Variants in PCDHGA2 observed in about 807,000 individuals in gnomAD.
PCDHGA2 encodes the protein protocadherin gamma subfamily A, 2.
PCDHGA2 carries 40 observed loss-of-function variants against 59.2 expected under a neutral mutation model. The observed-to-expected ratio is 0.68, with a 90% CI of 0.52 to 0.88. The LOEUF (loss-of-function observed/expected upper bound fraction) is 0.88, where lower values mean the gene tolerates loss of function less well. Among genes scored for constraint, PCDHGA2 ranks in the 40% least tolerant of loss-of-function variants. The pLI is 0.00. For missense variants in PCDHGA2, 1,226 were observed against 1,204.0 expected, an observed-to-expected ratio of 1.02 and a Z score of -0.27; for synonymous variants, 560 against 526.0, an observed-to-expected ratio of 1.06 and a Z score of -0.89.
chr5:141,361,611 A>T, intron 1 of PCDHGA2: 2 of 1,613,948 alleles, frequency 1.2e-6, no homozygotes, highest in Non-Finnish European at 1.7e-6. Context: ...ACTCCATCGT[A>T]GCGAGCGACC....
chr5:141,485,980 G>C lies in PCDHGA2; in HGVS notation c.2425-8827G>C, dbSNP rs151239937. 1 of 1,614,020 alleles carries C rather than the reference G, an allele frequency of 6.2e-7. No individual in the cohort carries two copies. The highest frequency in any genetic ancestry group is 1.3e-5 in the African/African-American group (1 of 74,914). The stretch of plus-strand genomic sequence containing the variant: ...TCATCCAGCTCAATGCCTCAGACCC[G>C]GACCTGGGTCCCAGTGGTAACGTCA... On this transcript the variant is annotated intron_variant, in intron 1 of 3. Transcript: ENST00000394576. The surrounding 1 kb of genome is among the most constrained non-coding windows in gnomAD (Gnocchi z 5.7).
intron 1 of PCDHGA2, chr5:141,403,387 C>T: frequency 6.2e-7 from 1 of 1,614,042 alleles, no homozygotes; most frequent in Non-Finnish European, 8.5e-7. Context: ...TTAACGAAAT[C>T]GCGGTTCCTG....
intron 1 of PCDHGA2, chr5:141,415,772 T>TTC: frequency 7.5e-7 from 1 of 1,332,986 alleles, no homozygotes; most frequent in Non-Finnish European, 9.6e-7. Flanking sequence ...TTTTTTTTTT[T>TTC]ACTTTCTGGT....
Position 141,392,774 on chromosome 5 carries a change from C to A in PCDHGA2, c.2424+51379C>A, listed in dbSNP as rs752798314. The A allele has an allele frequency of 2.0e-6, 3 of 1,520,452 alleles. No homozygotes were observed. The South Asian group carries it at 3.9e-5, about 20-fold the overall frequency. The allele number at this position is 1,520,452 out of a possible 1,614,324, so 94.2% of individuals were successfully genotyped here. A position where few individuals can be genotyped will look rare whatever the true frequency, so the allele number is the denominator to read the frequency against. On this transcript the variant is annotated intron_variant, in intron 1 of 3. Coordinates refer to ENST00000394576, the MANE Select transcript of PCDHGA2 (RefSeq NM_018915.4). ...AGAAACTAAATAAGACCCATTTATG[C>A]ACAGTGAAGATTCTGAGAGGATTCT...
At chr5:141,383,797 G>C in intron 1 of PCDHGA2, 1 of 1,613,964 alleles carries the variant, frequency 6.2e-7, no homozygotes, top group Non-Finnish European at 8.5e-7. Context: ...GCTTACAGGA[G>C]AAATATCAAC....
chr5:141,385,045 C>A, intron 1 of PCDHGA2: 1 of 1,614,178 alleles, frequency 6.2e-7, no homozygotes, highest in Non-Finnish European at 8.5e-7. Context: ...GGCGCTCAGG[C>A]TGCGGCGCTG....
intron 1 of PCDHGA2, chr5:141,370,659 C>A: frequency 6.2e-7 from 1 of 1,613,780 alleles, no homozygotes; most frequent in Admixed American, 1.7e-5. Context: ...TGTGAGCGAC[C>A]GTATAGACCG....
intron 1 of PCDHGA2, among the ~76,000 whole-genome samples, chr5:141,470,290 C>T (rs1226383020): frequency 1.3e-5 from 2 of 152,148 alleles, no homozygotes; most frequent in Non-Finnish European, 2.9e-5. Context: ...TATTGGTTAA[C>T]TGTTTTTATT....
intron 1 of PCDHGA2, chr5:141,414,866 C>T: frequency 6.2e-7 from 1 of 1,614,230 alleles, no homozygotes; most frequent in Non-Finnish European, 8.5e-7. Flanking sequence ...GACAATGCGC[C>T]CGAGATCCTG....
At chr5:141,438,834 T>A (rs915381229) in intron 1 of PCDHGA2, among the ~76,000 whole-genome samples, 5 of 150,606 alleles carry the variant, frequency 3.3e-5, no homozygotes, top group South Asian at 2.1e-4. Context: ...GCTAATTTTT[T>A]AAAATATTTT....
At chr5:141,430,925 C>G (rs1313621122) in intron 1 of PCDHGA2, 2 of 1,607,162 alleles carry the variant, frequency 1.2e-6, no homozygotes, top group Non-Finnish European at 8.5e-7. Context: ...GGGGCTGGAG[C>G]CCCGGGAGCT....
At position 141,431,123 on chromosome 5, in the gene PCDHGA2, GAAGT is replaced by G. The variant is rs751548736; in HGVS notation, c.2425-63680_2425-63677del. The G allele has an allele frequency of 1.2e-6, 2 of 1,614,100 alleles. No individual in the cohort carries two copies. The highest frequency in any genetic ancestry group is 3.3e-5 in the Admixed American group (2 of 60,014). On this transcript the variant is annotated intron_variant, in intron 1 of 3. Transcript: ENST00000394576. This position sits in a 1 kb window ranked among gnomAD's most constrained non-coding sequence, Gnocchi z 4.8. ...AGTGAAAATATATGGAGTAGAAGTA[GAAGT>G]AAGGGACATTAACGACAATGCGCCT... is the stretch of plus-strand genomic sequence containing the variant.
At chr5:141,472,617 A>G (rs1024856184) in intron 1 of PCDHGA2, among the ~76,000 whole-genome samples, 3 of 152,138 alleles carry the variant, frequency 2.0e-5, no homozygotes, top group African/African-American at 7.2e-5. Flanking sequence ...CAAAGAAGAA[A>G]AAAGATAAAG....
chr5:141,398,654 C>G, intron 1 of PCDHGA2: 1 of 1,613,998 alleles, frequency 6.2e-7, no homozygotes, highest in South Asian at 1.1e-5. Context: ...TCTCTTAACC[C>G]AAGTTTCTCA....
In PCDHGA2 at chr5:141,352,325, G is replaced by A. The variant is rs1001145372; in HGVS notation, c.2424+10930G>A. Reference sequence around the variant, plus strand: ...CCAGACGGAACTGCAGTTTTACCTGGTTGTGGCCTTGGCCTTGATCTCAGT... The same window carrying A: ...CCAGACGGAACTGCAGTTTTACCTGATTGTGGCCTTGGCCTTGATCTCAGT... On this transcript the variant is annotated intron_variant, in intron 1 of 3. Transcript: ENST00000394576. The A allele has an allele frequency of 1.2e-6, 2 of 1,614,080 alleles. No individual in the cohort carries two copies.
chr5:141,338,941 T>G lies in PCDHGA2; in HGVS notation c.-31T>G. On this transcript the variant is annotated 5_prime_UTR_variant, in exon 1 of 4. Transcript: ENST00000394576. ...TGGAATCCGCACTGGATGCTGGAAG[T>G]TGACTCGGAGAAAATTGCGACAGGA... 6.6e-7 allele frequency: 1 copy of G among 1,522,944 alleles called. No homozygotes were observed. Among genetic ancestry groups the G allele is most frequent in the Non-Finnish European group, 8.8e-7 (1 of 1,135,466 alleles). The allele number at this position is 1,522,944 out of a possible 1,614,324, so 94.3% of individuals were successfully genotyped here. A position where few individuals can be genotyped will look rare whatever the true frequency, so the allele number is the denominator to read the frequency against.
At chr5:141,383,373 G>A (rs759862188) in intron 1 of PCDHGA2, 2 of 1,614,030 alleles carry the variant, frequency 1.2e-6, no homozygotes, top group South Asian at 2.2e-5. Flanking sequence ...GCGAGGCTGG[G>A]GATCCAGATG....
At chr5:141,376,108 G>A (rs368739165) in intron 1 of PCDHGA2, 172 of 1,613,770 alleles carry the variant, frequency 1.1e-4, no homozygotes, top group Middle Eastern at 1.0e-3. Context: ...TGGCCGACCT[G>A]GGCAGCCTCG....
At chr5:141,498,338 G>A (rs2237079) in intron 2 of PCDHGA2, among the ~76,000 whole-genome samples, 68,665 of 151,630 alleles carry the variant, frequency 0.45, 15,766 homozygotes, top group Admixed American at 0.55. Flanking sequence ...CATTCCAAAT[G>A]GGAAAAGCCT....
Sources: allele counts gnomAD v4.1 joint callset (sites outside exome capture counted in the v4.1 genomes callset), GRCh38; gene constraint gnomAD v4.1.1; non-coding constraint Gnocchi (gnomAD v3.1); transcripts MANE v1.5; gene names NCBI Gene and HGNC (gene_info 2026-07-23, HGNC 2026-07-21).